HIVEP3: variants seen among roughly 807,000 people sequenced by gnomAD.
HIVEP3 encodes the protein HIVEP zinc finger 3, also known as transcription factor HIVEP3.
A neutral mutation model predicts 152.8 loss-of-function variants in HIVEP3; 49 were observed. The observed-to-expected ratio is 0.32, with a 90% confidence interval of 0.26 to 0.41. The LOEUF (loss-of-function observed/expected upper bound fraction) is 0.41. HIVEP3 is among the 10% of genes least tolerant of loss of function. The pLI, the probability that HIVEP3 is intolerant of heterozygous loss-of-function variation, is 1.00. For missense variants in HIVEP3, 2,790 were observed against 3,103.3 expected (o/e 0.90, Z 2.40); for synonymous variants, 1,269 against 1,289.0 (o/e 0.98, Z 0.33).
chr1:41,956,956 G>A (rs1418144659), intron 1 of HIVEP3, among the ~76,000 whole-genome samples: 6 of 152,158 alleles, frequency 3.9e-5, no homozygotes, highest in Non-Finnish European at 7.3e-5. Flanking sequence ...TAGGATGGGT[G>A]AGAAGGAGCC....
At chr1:41,686,882 C>T (rs1004159317) in intron 2 of HIVEP3, among the ~76,000 whole-genome samples, 6 of 152,204 alleles carry the variant, frequency 3.9e-5, no homozygotes, top group African/African-American at 1.4e-4. Flanking sequence ...GATTCATTCA[C>T]TCCACAAATA....
At chr1:41,606,450 TA>T (rs1387296399) in intron 3 of HIVEP3, among the ~76,000 whole-genome samples, 1 of 151,954 alleles carries the variant, frequency 6.6e-6, no homozygotes, top group African/African-American at 2.4e-5. Context: ...AGGATAATTC[TA>T]AAAAGTGAAG....
chr1:41,549,791 T>A (rs1643876298), intron 5 of HIVEP3, among the ~76,000 whole-genome samples: 1 of 152,242 alleles, frequency 6.6e-6, no homozygotes. Flanking sequence ...GTCAGATTGG[T>A]AGATTGTAAA....
At chr1:41,573,269 G>C (rs77065034) in intron 5 of HIVEP3, among the ~76,000 whole-genome samples, 3,060 of 152,320 alleles carry the variant, frequency 0.02, 100 homozygotes, top group African/African-American at 0.07. Context: ...AGGTTGTAAG[G>C]CTGGTGGAAT....
intron 1 of HIVEP3, among the ~76,000 whole-genome samples, chr1:41,970,438 C>T (rs1645222591): frequency 6.6e-6 from 1 of 152,092 alleles, no homozygotes; most frequent in Admixed American, 6.6e-5. Context: ...AATGCAGGAA[C>T]AGAACACCAA....
chr1:41,907,675 C>T (rs1357743796), intron 1 of HIVEP3, among the ~76,000 whole-genome samples: 3 of 152,212 alleles, frequency 2.0e-5, no homozygotes, highest in Non-Finnish European at 4.4e-5. Context: ...ACAATGACAA[C>T]CCAACTGTCC....
At chr1:41,681,555 GGTTA>G (rs1215078200) in intron 2 of HIVEP3, among the ~76,000 whole-genome samples, 4 of 152,172 alleles carry the variant, frequency 2.6e-5, no homozygotes, top group African/African-American at 7.2e-5. Flanking sequence ...GTGATCCCAG[GGTTA>G]GTTTGTGAGC....
chr1:41,736,861 T>G (rs1449318504), intron 1 of HIVEP3, among the ~76,000 whole-genome samples: 2 of 152,076 alleles, frequency 1.3e-5, no homozygotes, highest in Non-Finnish European at 2.9e-5. Context: ...AAGGAAGTGT[T>G]GAAGGACCAG....
rs1296292945 is a variant in HIVEP3, at chr1:41,583,802, G to A, written c.996C>T (p.Ala332=). 1 of 1,596,260 alleles carries A rather than the reference G, an allele frequency of 6.3e-7. No homozygotes were observed. Among genetic ancestry groups the A allele is most frequent in the South Asian group, 1.1e-5 (1 of 87,550 alleles). ...ATGGAGGGGGGTCTTCGAGTGACTG[G>A]GCTGTGCTGGACTGGGACAGGGAAC... ...ERCSLSQSST[A]QSLEDPPPFV... is the part of the protein sequence containing the mutation. Residue 332 remains alanine (A), a synonymous_variant, in exon 4 of 9, where the codon GCC becomes GCT. Transcript: ENST00000372583. The surrounding 1 kb of genome is among the most constrained non-coding windows in gnomAD (Gnocchi z 6.9).
At chr1:41,966,591 A>C (rs1459016724) in intron 1 of HIVEP3, among the ~76,000 whole-genome samples, 2 of 149,168 alleles carry the variant, frequency 1.3e-5, no homozygotes, top group Non-Finnish European at 3.0e-5. Flanking sequence ...CTCCTGCCTC[A>C]GCCTCCCGAG....
intron 3 of HIVEP3, among the ~76,000 whole-genome samples, chr1:41,598,616 A>G (rs2149122215): frequency 6.6e-6 from 1 of 152,216 alleles, no homozygotes; most frequent in African/African-American, 2.4e-5. Flanking sequence ...TCATTTCTCC[A>G]CTCAGTCTGC....
intron 1 of HIVEP3, among the ~76,000 whole-genome samples, chr1:41,881,060 G>C (rs532900134): frequency 6.4e-4 from 98 of 152,242 alleles, no homozygotes; most frequent in African/African-American, 2.3e-3. Context: ...CCCACTAAAG[G>C]CCTCTTTGGA....
intron 2 of HIVEP3, among the ~76,000 whole-genome samples, chr1:41,650,469 G>C (rs1473244015): frequency 6.6e-6 from 1 of 151,970 alleles, no homozygotes; most frequent in Non-Finnish European, 1.5e-5. Flanking sequence ...TATTTGTCAA[G>C]TATTATAATC....
intron 2 of HIVEP3, among the ~76,000 whole-genome samples, chr1:41,669,149 A>C (rs1466245300): frequency 6.6e-6 from 1 of 151,994 alleles, no homozygotes; most frequent in Non-Finnish European, 1.5e-5. Flanking sequence ...CCCACCCTGA[A>C]CTCTGACTGG....
At chr1:41,736,824 G>A (rs1646926003) in intron 1 of HIVEP3, among the ~76,000 whole-genome samples, 1 of 152,200 alleles carries the variant, frequency 6.6e-6, no homozygotes, top group Non-Finnish European at 1.5e-5. Context: ...GGGGCAGGAT[G>A]GTGGCCTGTC....
chr1:41,997,455 C>T (rs1328557610), intron 1 of HIVEP3, among the ~76,000 whole-genome samples: 1 of 152,204 alleles, frequency 6.6e-6, no homozygotes, highest in Admixed American at 6.5e-5. Flanking sequence ...CATGCAGTTG[C>T]ACTTCGTGTA....
chr1:41,511,403 C>A lies in HIVEP3; in HGVS notation c.6406-137G>T. The A allele has an allele frequency of 1.3e-6, 1 of 797,442 alleles. No individual in the cohort carries two copies. The highest frequency in any genetic ancestry group is 1.8e-5 in the South Asian group (1 of 54,154). The allele number at this position is 797,442 out of a possible 1,614,324, so 49.4% of individuals were successfully genotyped here. A position where few individuals can be genotyped will look rare whatever the true frequency, so the allele number is the denominator to read the frequency against. Reference sequence around the variant, plus strand: ...GGTCCCGGCTGAGCTGAGCCCAGAACCAAGTTCCTGACTCCCTGCCCACAG... The same window carrying A: ...GGTCCCGGCTGAGCTGAGCCCAGAAACAAGTTCCTGACTCCCTGCCCACAG... On this transcript the variant is annotated intron_variant, in intron 8 of 8. Transcript: ENST00000372583. The surrounding 1 kb of genome is among the most constrained non-coding windows in gnomAD (Gnocchi z 4.9).
At chr1:41,835,720 C>T (rs1329461765) in intron 1 of HIVEP3, among the ~76,000 whole-genome samples, 1 of 152,172 alleles carries the variant, frequency 6.6e-6, no homozygotes, top group East Asian at 1.9e-4. Flanking sequence ...GCTCTCCGCC[C>T]TGGGATGATT....
intron 5 of HIVEP3, among the ~76,000 whole-genome samples, chr1:41,527,778 A>ACTCACACTCGTT (rs1230620061): frequency 2.3e-5 from 3 of 130,608 alleles, no homozygotes; most frequent in African/African-American, 9.0e-5. Context: ...ACACTCCTGC[A>ACTCACACTCGTT]CTCACACTCG....
Sources: gnomAD v4.1 joint callset for allele counts (sites outside exome capture counted in the v4.1 genomes callset) on GRCh38, gnomAD v4.1.1 for gene constraint, Gnocchi (gnomAD v3.1) non-coding constraint, MANE v1.5 for transcripts, NCBI Gene and HGNC (gene_info 2026-07-23, HGNC 2026-07-21) for gene names.